The following SPECC1L variants were observed in gnomAD, a reference collection of about 807,000 sequenced individuals.
SPECC1L encodes cytospin-A.
Under a neutral mutation model 116.8 loss-of-function variants are expected in SPECC1L, and 40 were observed. The observed-to-expected ratio is 0.34, with a 90% confidence interval of 0.27 to 0.45. SPECC1L has a LOEUF of 0.45. SPECC1L is among the 20% of genes least tolerant of loss of function. The pLI is 1.00. For synonymous variants in SPECC1L, 504 were observed against 500.6 expected, an observed-to-expected ratio of 1.01 and a Z score of -0.09; for missense variants, 1,110 against 1,373.6, an observed-to-expected ratio of 0.81 and a Z score of 3.03.
intron 11 of SPECC1L, among the ~76,000 whole-genome samples, chr22:24,353,826 T>G (rs1276673595): frequency 6.6e-6 from 1 of 152,268 alleles, no homozygotes; most frequent in Non-Finnish European, 1.5e-5. Context: ...TTAACTTTGT[T>G]CACTTGGTTA....
At chr22:24,319,820 G>T (rs2040684003) in intron 4 of SPECC1L, among the ~76,000 whole-genome samples, 1 of 152,190 alleles carries the variant, frequency 6.6e-6, no homozygotes, top group Admixed American at 6.5e-5. Flanking sequence ...TACCTCTACA[G>T]CCTGGATCCC....
chr22:24,381,605 C>CG (rs2042062987), intron 14 of SPECC1L, among the ~76,000 whole-genome samples: 1 of 152,078 alleles, frequency 6.6e-6, no homozygotes, highest in South Asian at 2.1e-4. Context: ...TAATAATTGC[C>CG]GGGGCGTGGT....
intron 11 of SPECC1L, among the ~76,000 whole-genome samples, chr22:24,356,917 G>A (rs2041544206): frequency 6.6e-6 from 1 of 151,872 alleles, no homozygotes; most frequent in Admixed American, 6.6e-5. Flanking sequence ...TGCATTACAG[G>A]AAGTTTAGCA....
chr22:24,346,827 A>T (rs1046655017), intron 10 of SPECC1L, among the ~76,000 whole-genome samples: 17 of 152,186 alleles, frequency 1.1e-4, no homozygotes, highest in Admixed American at 3.3e-4. Context: ...GTTGGGGGAA[A>T]CTGAGTAAAG....
intron 14 of SPECC1L, among the ~76,000 whole-genome samples, chr22:24,390,081 T>A (rs1046213534): frequency 6.6e-6 from 1 of 151,768 alleles, no homozygotes; most frequent in Admixed American, 6.6e-5. Flanking sequence ...CTTTCCCTTA[T>A]GTGTCCAGCC....
At chr22:24,324,172 T>C (rs199810315) in intron 5 of SPECC1L, 48 bp from the exon 6 acceptor site, 83 of 1,524,538 alleles carry the variant, frequency 5.4e-5, no homozygotes, top group Non-Finnish European at 6.8e-5. Context: ...GAACGTACCT[T>C]AGAACAACTC....
At chr22:24,362,193 G>A (rs973826537) in intron 11 of SPECC1L, among the ~76,000 whole-genome samples, 1 of 152,306 alleles carries the variant, frequency 6.6e-6, no homozygotes, top group East Asian at 1.9e-4. Flanking sequence ...GTAGCCCTAG[G>A]TAAGAAGTGT....
chr22:24,345,329 ATG>A (rs1234460335), intron 10 of SPECC1L, among the ~76,000 whole-genome samples: 1 of 152,224 alleles, frequency 6.6e-6, no homozygotes, highest in African/African-American at 2.4e-5. Flanking sequence ...ATCAACCTAA[ATG>A]TGAAAGCTAA....
chr22:24,338,993 A>G (rs2041118667), intron 10 of SPECC1L, among the ~76,000 whole-genome samples: 1 of 152,228 alleles, frequency 6.6e-6, no homozygotes, highest in Admixed American at 6.5e-5. Context: ...ACTGCATAGC[A>G]AATCACTTCA....
At chr22:24,273,615 A>AT (rs1267649665) in intron 1 of SPECC1L, among the ~76,000 whole-genome samples, 1 of 152,230 alleles carries the variant, frequency 6.6e-6, no homozygotes, top group Non-Finnish European at 1.5e-5. Flanking sequence ...GAAGATTCAA[A>AT]TATAGAGTAT....
rs2042782736 is a variant in SPECC1L at position 24,415,349 on chromosome 22, C to T, written c.*726C>T. Reference sequence around the variant, plus strand: ...CCCTTGCCTGGACTCAGCGACCTGTCTTCCAGCCTGGAAGGGGTTTGGAGT... The same window carrying T: ...CCCTTGCCTGGACTCAGCGACCTGTTTTCCAGCCTGGAAGGGGTTTGGAGT... On this transcript the variant is annotated 3_prime_UTR_variant, in exon 17 of 17. Transcript: ENST00000314328. 1 of 152,708 alleles carries T rather than the reference C, an allele frequency of 6.5e-6. No individual in the cohort carries two copies. Among genetic ancestry groups the T allele is most frequent in the Non-Finnish European group, 1.5e-5 (1 of 68,238 alleles). 9.5% of individuals were successfully genotyped at this position (152,708 alleles called of 1,614,324 possible).
chr22:24,354,271 T>C (rs1206353288), intron 11 of SPECC1L, among the ~76,000 whole-genome samples: 1 of 152,210 alleles, frequency 6.6e-6, no homozygotes, highest in Non-Finnish European at 1.5e-5. Context: ...TTTTGTTCCT[T>C]CTTAAACTTT....
At chr22:24,306,279 C>G (rs747478917) in intron 3 of SPECC1L, among the ~76,000 whole-genome samples, 48 of 152,000 alleles carry the variant, frequency 3.2e-4, no homozygotes, top group Non-Finnish European at 5.0e-4. Context: ...AGTCACTTGC[C>G]CATTTTTCCG....
intron 4 of SPECC1L, among the ~76,000 whole-genome samples, chr22:24,314,908 A>C (rs1023359067): frequency 2.6e-5 from 4 of 152,212 alleles, no homozygotes; most frequent in African/African-American, 9.7e-5. Flanking sequence ...CATTCATTCT[A>C]ATTCTGCCAT....
intron 14 of SPECC1L, among the ~76,000 whole-genome samples, chr22:24,410,144 TTTTGGTTTGTGG>T (rs1325644182): frequency 1.3e-5 from 2 of 152,130 alleles, no homozygotes; most frequent in Non-Finnish European, 2.9e-5. Flanking sequence ...TACAGAGGTG[TTTTGGTTTGTGG>T]TTTGTGTGTT....
At chr22:24,372,624 T>G (rs1415786296) in intron 14 of SPECC1L, among the ~76,000 whole-genome samples, 1 of 152,158 alleles carries the variant, frequency 6.6e-6, no homozygotes, top group Non-Finnish European at 1.5e-5. Context: ...GGGACGTATC[T>G]CAAAATAATA....
chr22:24,351,042 T>G (rs998302714), intron 11 of SPECC1L, among the ~76,000 whole-genome samples: 3 of 152,140 alleles, frequency 2.0e-5, no homozygotes, highest in Non-Finnish European at 4.4e-5. Context: ...GGTCTTCCCA[T>G]ACCTCCTGAG....
chr22:24,296,147 A>G (rs28409068), intron 2 of SPECC1L, among the ~76,000 whole-genome samples: 83 of 149,276 alleles, frequency 5.6e-4, no homozygotes, highest in African/African-American at 2.0e-3. Flanking sequence ...AAGTGAAGTG[A>G]GGTTTGAATT....
At chr22:24,287,240 G>A (rs1238493582) in intron 2 of SPECC1L, among the ~76,000 whole-genome samples, 1 of 152,222 alleles carries the variant, frequency 6.6e-6, no homozygotes, top group Admixed American at 6.5e-5. Flanking sequence ...ATGGAAATGA[G>A]ATGGAGGGAT....
Sources: gnomAD v4.1 joint callset for allele counts (sites outside exome capture counted in the v4.1 genomes callset) on GRCh38, gnomAD v4.1.1 for gene constraint, MANE v1.5 for transcripts, NCBI Gene and HGNC (gene_info 2026-07-23, HGNC 2026-07-21) for gene names.